The following IL1RAPL2 variants were observed in gnomAD, a reference collection of about 807,000 sequenced individuals.
IL1RAPL2 encodes the protein interleukin 1 receptor accessory protein like 2, also known as X-linked interleukin-1 receptor accessory protein-like 2.
A neutral mutation model predicts 44.1 loss-of-function variants in IL1RAPL2; 3 were observed. The observed-to-expected ratio is 0.07, with a 90% CI of 0.03 to 0.18. The LOEUF is 0.18. Ranked by LOEUF, IL1RAPL2 falls within the 10% of genes least tolerant of loss-of-function variation. IL1RAPL2 has a pLI of 1.00. For synonymous variants in IL1RAPL2, 181 were observed against 178.8 expected (o/e 1.01, Z -0.10); for missense variants, 391 against 496.4 (o/e 0.79, Z 2.02).
intron 2 of IL1RAPL2, among the ~76,000 whole-genome samples, chrX:104,885,713 C>T (rs1276831090): frequency 1.8e-5 from 2 of 112,315 alleles, no homozygotes; most frequent in African/African-American, 6.5e-5. Flanking sequence ...CTCAGACAAA[C>T]AAACCTTGGT....
At chrX:104,752,958 C>T (rs1433443988) in intron 2 of IL1RAPL2, among the ~76,000 whole-genome samples, 1 of 109,203 alleles carries the variant, frequency 9.2e-6, no homozygotes, top group Non-Finnish European at 1.9e-5. Context: ...GCTCATGTGC[C>T]CTGTATACAT....
At position 105,478,788 on chromosome X, in the gene IL1RAPL2, G is replaced by GT. The variant is rs1556334236; in HGVS notation, c.698-5519dup. ...ATCTAAGAATGCTATGGGAAGCACA[G>GT]TTTTTTAGAGAAAGAATACCACCGG... On this transcript the variant is annotated intron_variant, in intron 5 of 10. Coordinates refer to ENST00000372582, the MANE Select transcript of IL1RAPL2 (RefSeq NM_017416.2). Among the ~76,000 whole-genome samples the GT allele has an allele frequency of 4.5e-5, 5 of 111,572 alleles. 1 individual carries two copies. The highest frequency in any genetic ancestry group is 1.6e-4 in the African/African-American group (5 of 30,687).
chrX:105,731,404 G>C (rs1473725834), intron 7 of IL1RAPL2, among the ~76,000 whole-genome samples: 1 of 110,477 alleles, frequency 9.1e-6, no homozygotes, highest in East Asian at 2.9e-4. Flanking sequence ...ACAGTATAAA[G>C]ACTTCTTAAA....
At chrX:105,043,532 C>T (rs1006481843) in intron 2 of IL1RAPL2, among the ~76,000 whole-genome samples, 2 of 107,211 alleles carry the variant, frequency 1.9e-5, no homozygotes, top group Non-Finnish European at 3.8e-5. Context: ...AAGTCCCTTC[C>T]GTCTTTCTCT....
chrX:104,861,528 T>C (rs1569328494), intron 2 of IL1RAPL2, among the ~76,000 whole-genome samples: 1 of 111,348 alleles, frequency 9.0e-6, no homozygotes, highest in Non-Finnish European at 1.9e-5. Context: ...CTCTACTTAC[T>C]ATGGAGTCAA....
chrX:104,725,458 C>T (rs192768819), intron 2 of IL1RAPL2, among the ~76,000 whole-genome samples: 2 of 111,867 alleles, frequency 1.8e-5, no homozygotes, highest in African/African-American at 6.5e-5. Flanking sequence ...GGAATCACCA[C>T]ACTGTCTTCC....
At chrX:105,041,652 C>A (rs902818108) in intron 2 of IL1RAPL2, among the ~76,000 whole-genome samples, 3 of 108,933 alleles carry the variant, frequency 2.8e-5, no homozygotes, top group African/African-American at 6.7e-5. Context: ...CCATACTGCC[C>A]AAGGTAATTT....
intron 2 of IL1RAPL2, among the ~76,000 whole-genome samples, chrX:105,181,152 T>C (rs1556130632): frequency 8.9e-6 from 1 of 112,073 alleles, no homozygotes; most frequent in Non-Finnish European, 1.9e-5. Context: ...GATGATCTTT[T>C]GTGTTTCTGT....
At chrX:105,587,362 A>G (rs1002006608) in intron 6 of IL1RAPL2, among the ~76,000 whole-genome samples, 15 of 111,087 alleles carry the variant, frequency 1.4e-4, no homozygotes, top group Non-Finnish European at 2.5e-4. Context: ...TTCTTTCCAA[A>G]GTTCTGTATT....
In IL1RAPL2 at chrX:104,983,539, AATATT is replaced by A. The variant is rs1164247902; in HGVS notation, c.83-211927_83-211923del. ...TTATATTAGATACATAATATTATAT[AATATT>A]ATATTATAGACATATTATATATTAT... is the stretch of plus-strand genomic sequence containing the variant. On this transcript the variant is annotated intron_variant, in intron 2 of 10. Coordinates refer to ENST00000372582, the MANE Select transcript of IL1RAPL2 (RefSeq NM_017416.2). Among the ~76,000 whole-genome samples the A allele has an allele frequency of 2.7e-3, 270 of 98,871 alleles. 1 individual carries two copies. The highest frequency in any genetic ancestry group is 9.6e-3 in the African/African-American group (254 of 26,465). The allele number at this position is 98,871 out of a possible 115,157, so 85.9% of individuals were successfully genotyped here. A position where few individuals can be genotyped will look rare whatever the true frequency, so the allele number is the denominator to read the frequency against.
chrX:105,715,024 T>C (rs1000662063), intron 6 of IL1RAPL2, among the ~76,000 whole-genome samples: 14 of 112,211 alleles, frequency 1.2e-4, no homozygotes, highest in African/African-American at 4.5e-4. Flanking sequence ...GAAAGTAGCA[T>C]GCTCCAGTGT....
intron 1 of IL1RAPL2, among the ~76,000 whole-genome samples, chrX:104,648,979 A>G (rs1930098175): frequency 9.0e-6 from 1 of 110,667 alleles, no homozygotes; most frequent in Non-Finnish European, 1.9e-5. Context: ...CTGTCTCTCA[A>G]TGTTTCATCA....
intron 5 of IL1RAPL2, among the ~76,000 whole-genome samples, chrX:105,424,731 CAA>C (rs1400499642): frequency 1.9e-5 from 2 of 107,391 alleles, no homozygotes; most frequent in African/African-American, 6.8e-5. Context: ...GCCTGGGTGA[CAA>C]GAGTGAAACT....
At chrX:105,508,147 A>G (rs73245782) in intron 6 of IL1RAPL2, among the ~76,000 whole-genome samples, 1,469 of 111,307 alleles carry the variant, frequency 0.013, 19 homozygotes, top group Non-Finnish European at 0.021. Context: ...CCCAAGGAAG[A>G]ATGAAACCCA....
At chrX:105,292,021 G>A (rs1348893759) in intron 5 of IL1RAPL2, among the ~76,000 whole-genome samples, 1 of 110,917 alleles carries the variant, frequency 9.0e-6, no homozygotes, top group African/African-American at 3.3e-5. Flanking sequence ...TATGCAGGGC[G>A]AGATAGGGGA....
At position 104,936,683 on chromosome X, in the gene IL1RAPL2, C is replaced by T. The variant is rs191662029; in HGVS notation, c.83-258792C>T. Among the ~76,000 whole-genome samples the T allele has an allele frequency of 2.1e-4, 20 of 97,424 alleles. No homozygotes were observed. The East Asian group carries it at 4.1e-3, about 20-fold the overall frequency. The allele number at this position is 97,424 out of a possible 115,157, so 84.6% of individuals were successfully genotyped here. ...AGTTGCCCAGGCTAGAGTGCAATGGCGCGATCTCGGCTCACTGCAAGCTCT... is the reference window on the plus strand; with the variant it reads ...AGTTGCCCAGGCTAGAGTGCAATGGTGCGATCTCGGCTCACTGCAAGCTCT... On this transcript the variant is annotated intron_variant, in intron 2 of 10. Coordinates refer to ENST00000372582, the MANE Select transcript of IL1RAPL2 (RefSeq NM_017416.2).
rs1169582988 is a variant in IL1RAPL2, at chrX:105,744,884, C to A, written c.1049-4076C>A. 2.7e-5 allele frequency among the ~76,000 whole-genome samples: 3 copies of A among 111,703 alleles called. No individual in the cohort carries two copies. In the South Asian group the frequency reaches 1.1e-3, roughly 42 times the overall value. On this transcript the variant is annotated intron_variant, in intron 8 of 10. Transcript: ENST00000372582. ...AATTATTTCTGTTTCTCTGCACATA[C>A]TTCCTTTCTCATAAAACAGGGGCAT...
chrX:104,816,375 C>G (rs1023780033), intron 2 of IL1RAPL2, among the ~76,000 whole-genome samples: 1 of 111,991 alleles, frequency 8.9e-6, no homozygotes, highest in Non-Finnish European at 1.9e-5. Flanking sequence ...TTCTGCCCTA[C>G]TGATAGTGAG....
At chrX:104,962,644 A>T (rs1006957312) in intron 2 of IL1RAPL2, among the ~76,000 whole-genome samples, 3 of 112,340 alleles carry the variant, frequency 2.7e-5, no homozygotes, top group Non-Finnish European at 5.6e-5. Flanking sequence ...GGAGAATTTT[A>T]TTCTTTATGT....
Sources: allele counts gnomAD v4.1 joint callset (sites outside exome capture counted in the v4.1 genomes callset), GRCh38; gene constraint gnomAD v4.1.1; transcripts MANE v1.5; gene names NCBI Gene and HGNC (gene_info 2026-07-23, HGNC 2026-07-21).